Variants in EVC2 observed in about 807,000 individuals in gnomAD.
The protein encoded by EVC2 is EvC ciliary complex subunit 2, also known as limbin.
Under a neutral mutation model 149.3 loss-of-function variants are expected in EVC2, and 148 were observed. The ratio of observed to expected loss-of-function variants is 0.99; its 90% CI spans 0.87 to 1.14. The LOEUF is 1.14. Ranked by LOEUF, EVC2 falls within the 50% of genes most tolerant of loss-of-function variation. EVC2 has a pLI of 0.00. For synonymous variants in EVC2, 776 were observed against 649.9 expected (o/e 1.19, Z -2.95); for missense variants, 1,854 against 1,627.3 (o/e 1.14, Z -2.40).
At chr4:5,595,162 G>A (rs960515355) in intron 16 of EVC2, among the ~76,000 whole-genome samples, 1 of 152,150 alleles carries the variant, frequency 6.6e-6, no homozygotes, top group African/African-American at 2.4e-5. Flanking sequence ...TTATCCAGGA[G>A]AACTTCCCCA....
At chr4:5,629,953 A>T (rs530172732) in intron 11 of EVC2, among the ~76,000 whole-genome samples, 1 of 152,232 alleles carries the variant, frequency 6.6e-6, no homozygotes, top group Non-Finnish European at 1.5e-5. Context: ...TTCTGGCATA[A>T]TATCATTCAC....
At position 5,696,442 on chromosome 4, in the gene EVC2, C is replaced by G. The variant is rs1043367393; in HGVS notation, c.283+1151G>C. On this transcript the variant is annotated intron_variant, in intron 2 of 21. Coordinates refer to ENST00000344408, the MANE Select transcript of EVC2 (RefSeq NM_147127.5). This position sits in a 1 kb window ranked among gnomAD's most constrained non-coding sequence, Gnocchi z 4.1. The stretch of plus-strand genomic sequence containing the variant: ...AGAGTTAGGCACAGAACCCAGACAA[C>G]CCCACCCAGTGGCCCCAGGGATAGG... Among the ~76,000 whole-genome samples, 1 of 152,200 alleles carries G rather than the reference C, an allele frequency of 6.6e-6. No individual in the cohort carries two copies.
chr4:5,595,956 T>C (rs1423844587), intron 16 of EVC2, among the ~76,000 whole-genome samples: 1 of 151,764 alleles, frequency 6.6e-6, no homozygotes, highest in African/African-American at 2.4e-5. Flanking sequence ...CCAACAAAGA[T>C]CAAAAGAGAC....
chr4:5,546,114 T>G (rs1472289546), intron 21 of EVC2, among the ~76,000 whole-genome samples: 1 of 152,192 alleles, frequency 6.6e-6, no homozygotes, highest in Non-Finnish European at 1.5e-5. Context: ...ACACTGTTGG[T>G]GGGACTGTAA....
intron 17 of EVC2, among the ~76,000 whole-genome samples, chr4:5,581,466 T>G (rs1200167228): frequency 1.3e-5 from 2 of 152,256 alleles, no homozygotes; most frequent in Non-Finnish European, 2.9e-5. Flanking sequence ...TTTGCCATGC[T>G]TTAGCAAACA....
chr4:5,698,152 G>T (rs373692707), intron 1 of EVC2, among the ~76,000 whole-genome samples: 1 of 152,128 alleles, frequency 6.6e-6, no homozygotes, highest in African/African-American at 2.4e-5. Context: ...CCCAGGGAGA[G>T]AATCAGCGCC....
At chr4:5,682,952 A>G (rs1008613139) in intron 6 of EVC2, among the ~76,000 whole-genome samples, 1 of 151,992 alleles carries the variant, frequency 6.6e-6, no homozygotes, top group Non-Finnish European at 1.5e-5. Flanking sequence ...AGACGCGACT[A>G]AGGCATTTTT....
intron 1 of EVC2, 130 bp from the exon 2 acceptor site, chr4:5,697,777 G>C: frequency 1.3e-6 from 1 of 779,462 alleles, no homozygotes; most frequent in Non-Finnish European, 2.1e-6. Flanking sequence ...ACAGAGTCTT[G>C]CTCTGTCACC....
rs1721104347 is a variant in EVC2, at chr4:5,691,288, C to T, written c.496G>A (p.Val166Ile). Residue 166 changes from valine to isoleucine, a missense_variant, in exon 4 of 22, where the codon GTA (valine) becomes ATA (isoleucine). Coordinates refer to ENST00000344408, the MANE Select transcript of EVC2 (RefSeq NM_147127.5). ...REVQGTSENGVIFQKCALVSG... is the reference protein window; with the variant it reads ...REVQGTSENGIIFQKCALVSG... Reference sequence around the variant, plus strand: ...ACCAGTGCACATTTCTGAAAAATTACTCCATTTTCAGAAGTCCCTTGAACT... The same window carrying T: ...ACCAGTGCACATTTCTGAAAAATTATTCCATTTTCAGAAGTCCCTTGAACT... The T allele has an allele frequency of 5.0e-6, 8 of 1,613,518 alleles. No homozygotes were observed. Among genetic ancestry groups the T allele is most frequent in the South Asian group, 1.1e-5 (1 of 91,068 alleles).
At chr4:5,568,379 A>G (rs1380445374) in intron 20 of EVC2, 65 bp downstream of exon 20, 5 of 1,472,628 alleles carry the variant, frequency 3.4e-6, no homozygotes, top group East Asian at 2.5e-5. Context: ...CATGACCTTG[A>G]GGACTCATGG....
intron 7 of EVC2, among the ~76,000 whole-genome samples, chr4:5,669,576 C>T (rs73798111): frequency 0.036 from 5,473 of 152,206 alleles, 278 homozygotes; most frequent in African/African-American, 0.12. Context: ...ATCACTCTAC[C>T]GTAAAAGCCA....
chr4:5,694,658 G>T (rs1398471806), intron 2 of EVC2, among the ~76,000 whole-genome samples, 157 bp from the exon 3 acceptor site: 1 of 152,178 alleles, frequency 6.6e-6, no homozygotes, highest in Non-Finnish European at 1.5e-5. Context: ...TCATCTCTTT[G>T]CCAGGAAAAT....
upstream of EVC2, chr4:5,708,861 C>G (rs904991576): frequency 2.8e-5 from 6 of 216,734 alleles, no homozygotes; most frequent in African/African-American, 4.6e-5. Context: ...AGACGCACTT[C>G]CCCTGGGAAC....
intron 16 of EVC2, among the ~76,000 whole-genome samples, chr4:5,589,116 T>C (rs1712558913): frequency 6.6e-6 from 1 of 152,250 alleles, no homozygotes; most frequent in Non-Finnish European, 1.5e-5. Flanking sequence ...CTAGATATTT[T>C]TGTGTTTCTA....
intron 1 of EVC2, among the ~76,000 whole-genome samples, chr4:5,701,168 C>G (rs1721798880): frequency 1.3e-5 from 2 of 152,214 alleles, no homozygotes; most frequent in Non-Finnish European, 2.9e-5. Context: ...GAGTCCTTCT[C>G]ACGTTGCATC....
downstream of EVC2, among the ~76,000 whole-genome samples, chr4:5,541,817 G>T (rs1385747491): frequency 6.6e-6 from 1 of 152,228 alleles, no homozygotes; most frequent in South Asian, 2.1e-4. Flanking sequence ...GTTACATGGC[G>T]GGGCCTGTTC....
rs78671430 is a variant in EVC2 at position 5,625,172 on chromosome 4, T to C, written c.2046+577A>G. Among the ~76,000 whole-genome samples, 129 of 152,174 alleles carry C rather than the reference T, an allele frequency of 8.5e-4. No individual in the cohort carries two copies. The highest frequency in any genetic ancestry group is 2.9e-3 in the African/African-American group (122 of 41,522). ...GGTAACCCCTTAGCACGGCACACCA[T>C]GCCCCCATTGACTTGCTGCTGCATT... On this transcript the variant is annotated intron_variant, in intron 13 of 21. Coordinates refer to ENST00000344408, the MANE Select transcript of EVC2 (RefSeq NM_147127.5). The surrounding 1 kb of genome is among the most constrained non-coding windows in gnomAD (Gnocchi z 4.0).
chr4:5,546,319 GTC>G (rs965506769), intron 21 of EVC2, among the ~76,000 whole-genome samples: 1 of 152,120 alleles, frequency 6.6e-6, no homozygotes, highest in African/African-American at 2.4e-5. Context: ...CAACCTAAAT[GTC>G]CAACAACGAT....
chr4:5,647,852 G>A (rs1717837470), intron 9 of EVC2, among the ~76,000 whole-genome samples: 4 of 152,226 alleles, frequency 2.6e-5, no homozygotes, highest in Admixed American at 1.3e-4. Flanking sequence ...TAGGAAAACA[G>A]GCAGAAGAGG....
Sources: gnomAD v4.1 joint callset for allele counts (sites outside exome capture counted in the v4.1 genomes callset) on GRCh38, gnomAD v4.1.1 for gene constraint, Gnocchi (gnomAD v3.1) non-coding constraint, MANE v1.5 for transcripts, NCBI Gene and HGNC (gene_info 2026-07-23, HGNC 2026-07-21) for gene names.